The following CPT1A variants were observed in gnomAD, a reference collection of about 807,000 sequenced individuals.
The protein encoded by CPT1A is carnitine O-palmitoyltransferase 1, liver isoform.
A neutral mutation model predicts 100.8 loss-of-function variants in CPT1A; 64 were observed. The ratio of observed to expected loss-of-function variants is 0.63; its 90% CI spans 0.52 to 0.78. The LOEUF (loss-of-function observed/expected upper bound fraction) is 0.78. Among genes scored for constraint, CPT1A ranks in the 30% least tolerant of loss-of-function variants. The pLI is 0.00. For synonymous variants in CPT1A, 363 were observed against 396.0 expected (o/e 0.92, Z 0.99); for missense variants, 802 against 1,034.1 (o/e 0.78, Z 3.08).
chr11:68,826,167 C>T (rs1187873765), intron 1 of CPT1A, among the ~76,000 whole-genome samples: 6 of 152,288 alleles, frequency 3.9e-5, no homozygotes, highest in African/African-American at 9.6e-5. Flanking sequence ...AACCTGAGGC[C>T]GGGCACTGTG....
intron 13 of CPT1A, chr11:68,773,640 G>A: frequency 1.3e-6 from 1 of 758,692 alleles, no homozygotes; most frequent in Non-Finnish European, 2.0e-6. Flanking sequence ...CAGGTAGCGG[G>A]TCTGACATGA....
At chr11:68,785,435 C>T (rs578187949) in intron 9 of CPT1A, among the ~76,000 whole-genome samples, 3 of 151,760 alleles carry the variant, frequency 2.0e-5, no homozygotes, top group South Asian at 4.2e-4. Flanking sequence ...GTGACATGCA[C>T]CTCTAGTCCC....
chr11:68,762,231 C>T (rs998886889), intron 15 of CPT1A, among the ~76,000 whole-genome samples: 1 of 152,316 alleles, frequency 6.6e-6, no homozygotes, highest in Non-Finnish European at 1.5e-5. Context: ...TGGGGCCCAG[C>T]GTGGCAATGG....
upstream of CPT1A, among the ~76,000 whole-genome samples, chr11:68,842,228 G>C (rs907467968): frequency 6.6e-6 from 1 of 152,140 alleles, no homozygotes; most frequent in Admixed American, 6.5e-5. Flanking sequence ...TAATGCTCCA[G>C]GCACCCCCTG....
At chr11:68,831,216 T>C (rs1017640) in intron 1 of CPT1A, among the ~76,000 whole-genome samples, 122,261 of 152,054 alleles carry the variant, frequency 0.8, 50,783 homozygotes, top group Non-Finnish European at 0.92. Context: ...ACACTGGCCA[T>C]GTAATCAAGA....
chr11:68,803,648 T>G (rs1183763918), intron 5 of CPT1A, among the ~76,000 whole-genome samples: 2 of 151,340 alleles, frequency 1.3e-5, no homozygotes, highest in South Asian at 4.2e-4. Flanking sequence ...GAGGCGGAGG[T>G]TGCAGTGAGC....
At chr11:68,802,415 G>A (rs1246829734) in intron 5 of CPT1A, among the ~76,000 whole-genome samples, 1 of 129,892 alleles carries the variant, frequency 7.7e-6, no homozygotes, top group Non-Finnish European at 1.6e-5. Flanking sequence ...ACAAGACAGT[G>A]AAACTCCGTC....
At chr11:68,757,829 T>A (rs1023105266) in intron 18 of CPT1A, 99 bp from the exon 19 acceptor site, 1 of 1,018,302 alleles carries the variant, frequency 9.8e-7, no homozygotes, top group African/African-American at 1.6e-5. Context: ...TTCATTGAAA[T>A]TCCTTTCTGC....
intron 6 of CPT1A, 90 bp downstream of exon 6, chr11:68,799,128 T>C: frequency 8.0e-7 from 1 of 1,253,010 alleles, no homozygotes; most frequent in Non-Finnish European, 1.2e-6. Context: ...TAATCCAAAC[T>C]GTCATTTCAG....
chr11:68,769,375 T>C (rs1448919408), intron 14 of CPT1A, among the ~76,000 whole-genome samples: 2 of 151,758 alleles, frequency 1.3e-5, no homozygotes, highest in African/African-American at 2.4e-5. Context: ...TACCTTGGAC[T>C]ACAGGCATGC....
Position 68,784,909 on chromosome 11 carries a change from G to T in CPT1A, c.1069C>A (p.Arg357=), listed in dbSNP as rs80356777. ...LYHDGRLLKP[R]EMEQQMQRIL... The stretch of plus-strand genomic sequence containing the variant: ...CTCTGCATCTGCTGCTCCATCTCCC[G>T]GGGCTTCAGCAGCCGCCCATCATGG... Residue 357 remains arginine (R), a synonymous_variant, in exon 10 of 19, where the codon CGG becomes AGG. Coordinates refer to ENST00000265641, the MANE Select transcript of CPT1A (RefSeq NM_001876.4). 1 of 1,613,990 alleles carries T rather than the reference G, an allele frequency of 6.2e-7. No individual in the cohort carries two copies. The highest frequency in any genetic ancestry group is 8.5e-7 in the Non-Finnish European group (1 of 1,180,006).
At chr11:68,835,373 C>T (rs1203256135) in intron 1 of CPT1A, among the ~76,000 whole-genome samples, 6 of 152,214 alleles carry the variant, frequency 3.9e-5, no homozygotes, top group African/African-American at 1.2e-4. Context: ...ACAACAGGAG[C>T]GGTGTCCCCT....
chr11:68,840,954 C>T (rs899917958), intron 1 of CPT1A, among the ~76,000 whole-genome samples: 1 of 152,152 alleles, frequency 6.6e-6, no homozygotes, highest in Admixed American at 6.5e-5. Context: ...CGCCCTTGAC[C>T]CAGCGCTGCA....
At chr11:68,818,944 A>G (rs1856506433) in intron 1 of CPT1A, among the ~76,000 whole-genome samples, 1 of 152,120 alleles carries the variant, frequency 6.6e-6, no homozygotes, top group Non-Finnish European at 1.5e-5. Context: ...TTTTAAAGGA[A>G]TGGATCCCAT....
intron 12 of CPT1A, among the ~76,000 whole-genome samples, chr11:68,779,914 A>T (rs1440635756): frequency 6.6e-6 from 1 of 152,182 alleles, no homozygotes; most frequent in Non-Finnish European, 1.5e-5. Context: ...CTTAGGTAAA[A>T]GACACGCTGC....
chr11:68,761,494 T>C (rs765115933), intron 16 of CPT1A, 41 bp downstream of exon 16: 23 of 1,604,146 alleles, frequency 1.4e-5, no homozygotes, highest in Non-Finnish European at 1.9e-5. Flanking sequence ...TAAGTTTTGG[T>C]CTAGCCAATA....
chr11:68,760,404 G>A (rs1289831794), intron 16 of CPT1A, 66 bp from the exon 17 acceptor site: 1 of 1,295,214 alleles, frequency 7.7e-7, no homozygotes, highest in African/African-American at 1.5e-5. Context: ...AGTCGCTTTG[G>A]GAAGACGAGA....
intron 4 of CPT1A, among the ~76,000 whole-genome samples, chr11:68,806,017 A>G (rs1183528544): frequency 6.7e-6 from 1 of 148,834 alleles, no homozygotes; most frequent in Non-Finnish European, 1.5e-5. Context: ...TAAGCCCATA[A>G]ATTTTTTTTT....
At chr11:68,805,756 C>T (rs966765447) in intron 4 of CPT1A, among the ~76,000 whole-genome samples, 3 of 152,218 alleles carry the variant, frequency 2.0e-5, no homozygotes, top group Non-Finnish European at 4.4e-5. Context: ...TCCATTACAA[C>T]CATTTAGGCC....
Sources: allele counts gnomAD v4.1 joint callset (sites outside exome capture counted in the v4.1 genomes callset), GRCh38; gene constraint gnomAD v4.1.1; transcripts MANE v1.5; gene names NCBI Gene and HGNC (gene_info 2026-07-23, HGNC 2026-07-21).